The following BLOC1S3 variants were observed in gnomAD, a reference collection of about 807,000 sequenced individuals.
BLOC1S3 encodes biogenesis of lysosome-related organelles complex 1 subunit 3.
In BLOC1S3, 7 loss-of-function variants were observed where a neutral mutation model predicts 9.1. That is an observed-to-expected ratio of 0.77 (90% CI 0.44 to 1.45). The LOEUF (loss-of-function observed/expected upper bound fraction) is 1.45. Among genes scored for constraint, BLOC1S3 ranks in the 40% most tolerant of loss-of-function variants. The probability of loss-of-function intolerance (pLI) is 0.01; values close to 1 mark genes in which losing one functional copy is unlikely to be tolerated. For synonymous variants in BLOC1S3, 145 were observed against 158.4 expected, an observed-to-expected ratio of 0.92 and a Z score of 0.64; for missense variants, 307 against 315.2, an observed-to-expected ratio of 0.97 and a Z score of 0.20.
chr19:45,184,326 C>A (rs1480014017), downstream of BLOC1S3, among the ~76,000 whole-genome samples: 2 of 152,110 alleles, frequency 1.3e-5, no homozygotes, highest in Non-Finnish European at 2.9e-5. Context: ...GGGGAAGTGG[C>A]AGTGCATGGT....
chr19:45,191,084 C>T (rs910301371), intron 2 of BLOC1S3, among the ~76,000 whole-genome samples: 8 of 151,138 alleles, frequency 5.3e-5, no homozygotes, highest in African/African-American at 9.7e-5. Flanking sequence ...GGATTACAGG[C>T]GTGAGCCACC....
At chr19:45,213,446 C>T in intron 3 of BLOC1S3, 1 of 1,516,280 alleles carries the variant, frequency 6.6e-7, no homozygotes, top group South Asian at 1.2e-5. Flanking sequence ...GACCCCCTCA[C>T]CTATCCCAGA....
chr19:45,201,710 A>G (rs148269322), intron 2 of BLOC1S3, among the ~76,000 whole-genome samples: 63 of 152,224 alleles, frequency 4.1e-4, no homozygotes, highest in African/African-American at 1.4e-3. Context: ...TTCCTACTTG[A>G]TATGGTTTGG....
intron 2 of BLOC1S3, among the ~76,000 whole-genome samples, chr19:45,192,578 G>A (rs10421129): frequency 0.37 from 55,595 of 152,030 alleles, 11,221 homozygotes; most frequent in Admixed American, 0.45. Flanking sequence ...AGGCCCACAC[G>A]GAGTACTGCC....
chr19:45,200,830 A>G (rs1969685413), intron 2 of BLOC1S3, among the ~76,000 whole-genome samples: 2 of 152,206 alleles, frequency 1.3e-5, no homozygotes, highest in Non-Finnish European at 2.9e-5. Flanking sequence ...AGTGTTGTGA[A>G]CTAAACTTTT....
At chr19:45,206,610 C>G (rs769235146) in intron 3 of BLOC1S3, among the ~76,000 whole-genome samples, 2 of 143,534 alleles carry the variant, frequency 1.4e-5, no homozygotes, top group Non-Finnish European at 3.0e-5. Context: ...CGTGTGCCCC[C>G]ACACCTAGTT....
chr19:45,197,909 C>G (rs141256995), intron 2 of BLOC1S3, among the ~76,000 whole-genome samples: 2 of 149,788 alleles, frequency 1.3e-5, no homozygotes, highest in East Asian at 4.0e-4. Context: ...TCCTGAAGCA[C>G]TAGACAGGGG....
Position 45,180,147 on chromosome 19 carries a change from G to A in BLOC1S3, c.*242G>A. 2 of 447,042 alleles carry A rather than the reference G, an allele frequency of 4.5e-6. No homozygotes were observed. Among genetic ancestry groups the A allele is most frequent in the Non-Finnish European group, 4.0e-6 (1 of 248,140 alleles). The allele number at this position is 447,042 out of a possible 1,614,324, so 27.7% of individuals were successfully genotyped here. A position where few individuals can be genotyped will look rare whatever the true frequency, so the allele number is the denominator to read the frequency against. ...TTCCTCTCCCGATCCTGACCCTGCC[G>A]CCTGGTTCTGAGCCTTCCCCTGGGG... On this transcript the variant is annotated 3_prime_UTR_variant, in exon 2 of 2. Transcript: ENST00000433642.
downstream of BLOC1S3, among the ~76,000 whole-genome samples, chr19:45,185,482 A>G (rs554688963): frequency 6.6e-6 from 1 of 152,248 alleles, no homozygotes; most frequent in African/African-American, 2.4e-5. Context: ...GCAGGATGAG[A>G]GGGTCAGACA....
At chr19:45,203,136 C>T (rs1046900312) in intron 3 of BLOC1S3, among the ~76,000 whole-genome samples, 1 of 152,034 alleles carries the variant, frequency 6.6e-6, no homozygotes, top group Admixed American at 6.6e-5. Flanking sequence ...GGCTCAAGCA[C>T]TCCCTTGGCT....
At chr19:45,212,121 C>A (rs116376401) in intron 3 of BLOC1S3, among the ~76,000 whole-genome samples, 1 of 152,224 alleles carries the variant, frequency 6.6e-6, no homozygotes, top group Admixed American at 6.6e-5. Flanking sequence ...CAGGAATGGA[C>A]AGGCACTTTG....
chr19:45,183,623 C>CTTTTTTTTTTTTTTTTTTTT (rs57651816), downstream of BLOC1S3, among the ~76,000 whole-genome samples: 16 of 105,110 alleles, frequency 1.5e-4, no homozygotes, highest in Non-Finnish European at 2.6e-4. Context: ...CTTTTCTTTT[C>CTTTTTTTTTTTTTTTTTTTT]TTTTTTTTTT....
At position 45,213,208 on chromosome 19, in the gene BLOC1S3, G is replaced by A. The variant is rs745477613; in HGVS notation, n.283-3468G>A. On this transcript the variant is annotated intron_variant and non_coding_transcript_variant, in intron 3 of 3. Coordinates refer to the BLOC1S3 transcript ENST00000591569. ...GAGACAGAAAGATGGGCGGGGCACA[G>A]GGATGTCTGCAAAGAAGGCACGGTC... 4.3e-6 allele frequency: 7 copies of A among 1,611,390 alleles called. No individual in the cohort carries two copies. The Admixed American group carries it at 5.0e-5, about 12-fold the overall frequency.
chr19:45,179,997 C>T lies in BLOC1S3; in HGVS notation c.*92C>T, dbSNP rs1648459753. On this transcript the variant is annotated 3_prime_UTR_variant, in exon 2 of 2. Transcript: ENST00000433642. The surrounding 1 kb of genome is among the most constrained non-coding windows in gnomAD (Gnocchi z 4.6). Reference sequence around the variant, plus strand: ...CTGTCTCCTGTGTCTCTTATCACCCCCCACCCCCGCTCCCATCTTGGTGTC... The same window carrying T: ...CTGTCTCCTGTGTCTCTTATCACCCTCCACCCCCGCTCCCATCTTGGTGTC... 1.4e-6 allele frequency: 2 copies of T among 1,443,468 alleles called. No homozygotes were observed. The highest frequency in any genetic ancestry group is 1.9e-6 in the Non-Finnish European group (2 of 1,060,976). 89.4% of individuals were successfully genotyped at this position (1,443,468 alleles called of 1,614,324 possible).
intron 3 of BLOC1S3, among the ~76,000 whole-genome samples, chr19:45,210,289 C>CTTTTTTTTTTTTTTTTTTTTTTTTT (rs71173125): frequency 1.3e-5 from 1 of 74,422 alleles, no homozygotes; most frequent in Non-Finnish European, 2.6e-5. Flanking sequence ...ACTATTTTAA[C>CTTTTTTTTTTTTTTTTTTTTTTTTT]TTTTTTTTTT....
chr19:45,209,858 A>C lies in BLOC1S3; in HGVS notation n.283-6818A>C, dbSNP rs183110257. Reference sequence around the variant, plus strand: ...GCGATTCTCCTGACTCAGCCTTCCAAGTAGCTGTGATTATAGGCATGCGCC... The same window carrying C: ...GCGATTCTCCTGACTCAGCCTTCCACGTAGCTGTGATTATAGGCATGCGCC... On this transcript the variant is annotated intron_variant and non_coding_transcript_variant, in intron 3 of 3. Transcript: ENST00000591569. 9.2e-3 allele frequency among the ~76,000 whole-genome samples: 1,397 copies of C among 151,768 alleles called. 13 individuals carry two copies. Among genetic ancestry groups the C allele is most frequent in the South Asian group, 0.026 (126 of 4,812 alleles).
downstream of BLOC1S3, among the ~76,000 whole-genome samples, chr19:45,184,903 C>CAAAAAAAAAAAAAAAAAAAAAAA (rs71338752): frequency 1.0e-4 from 5 of 48,278 alleles, no homozygotes; most frequent in Non-Finnish European, 2.0e-4. Flanking sequence ...CTGTCTCAAA[C>CAAAAAAAAAAAAAAAAAAAAAAA]AAAAAAAAAA....
downstream of BLOC1S3, among the ~76,000 whole-genome samples, chr19:45,184,903 CAAAAAAA>C (rs71338752): frequency 6.4e-4 from 31 of 48,278 alleles, no homozygotes; most frequent in East Asian, 7.2e-3. Context: ...CTGTCTCAAA[CAAAAAAA>C]AAAAAAAAAA....
chr19:45,190,515 T>C (rs1296080681), intron 2 of BLOC1S3, among the ~76,000 whole-genome samples: 1 of 151,920 alleles, frequency 6.6e-6, no homozygotes, highest in Admixed American at 6.6e-5. Flanking sequence ...TCCTCTCACC[T>C]TAGCCTCCTG....
Sources: allele counts gnomAD v4.1 joint callset (sites outside exome capture counted in the v4.1 genomes callset), GRCh38; gene constraint gnomAD v4.1.1; non-coding constraint Gnocchi (gnomAD v3.1); transcripts MANE v1.5; gene names NCBI Gene and HGNC (gene_info 2026-07-23, HGNC 2026-07-21).